Variants in CDK19 observed in about 807,000 individuals in gnomAD.
The protein encoded by CDK19 is cyclin-dependent kinase 19.
Under a neutral mutation model 68.3 loss-of-function variants are expected in CDK19, and 20 were observed. The ratio of observed to expected loss-of-function variants is 0.29; its 90% CI spans 0.21 to 0.43. The LOEUF (loss-of-function observed/expected upper bound fraction) is 0.43. Among genes scored for constraint, CDK19 ranks in the 20% least tolerant of loss-of-function variants. The probability of loss-of-function intolerance (pLI) is 1.00; values close to 1 mark genes in which losing one functional copy is unlikely to be tolerated. For missense variants in CDK19, 339 were observed against 623.5 expected, an observed-to-expected ratio of 0.54 and a Z score of 4.86; for synonymous variants, 221 against 222.8, an observed-to-expected ratio of 0.99 and a Z score of 0.07.
intron 2 of CDK19, among the ~76,000 whole-genome samples, chr6:110,692,695 G>A (rs1215455352): frequency 6.6e-6 from 1 of 152,032 alleles, no homozygotes; most frequent in Non-Finnish European, 1.5e-5. Context: ...CGGTCAACAG[G>A]CTCTCTAAAG....
chr6:110,666,806 CAAAAG>C (rs1215797477), intron 4 of CDK19, among the ~76,000 whole-genome samples: 2 of 151,914 alleles, frequency 1.3e-5, no homozygotes, highest in Non-Finnish European at 2.9e-5. Context: ...TAAGAACAAA[CAAAAG>C]AAACTTGCAT....
intron 4 of CDK19, chr6:110,645,903 C>T (rs1780535325): frequency 1.3e-5 from 11 of 837,662 alleles, no homozygotes; most frequent in South Asian, 1.2e-4. Context: ...CTCAGTCCTG[C>T]GAACTGTGCC....
At chr6:110,800,511 C>T (rs1782272643) in intron 1 of CDK19, among the ~76,000 whole-genome samples, 1 of 152,140 alleles carries the variant, frequency 6.6e-6, no homozygotes. Context: ...ACGAAGAAAA[C>T]TACAGGCCAA....
chr6:110,667,693 G>T, intron 3 of CDK19, 119 bp from the exon 4 acceptor site: 1 of 488,536 alleles, frequency 2.0e-6, no homozygotes, highest in Non-Finnish European at 3.4e-6. Flanking sequence ...GGCCAATAAT[G>T]ACACAAAGAA....
At chr6:110,652,540 C>A (rs1461959846) in intron 4 of CDK19, among the ~76,000 whole-genome samples, 1 of 151,818 alleles carries the variant, frequency 6.6e-6, no homozygotes, top group East Asian at 1.9e-4. Flanking sequence ...GAGCTTAAAC[C>A]CTTTAAAAAT....
intron 4 of CDK19, among the ~76,000 whole-genome samples, chr6:110,653,499 C>T (rs976442294): frequency 6.6e-6 from 1 of 152,200 alleles, no homozygotes; most frequent in Non-Finnish European, 1.5e-5. Flanking sequence ...ACTAAAACTC[C>T]TCTTCTTACT....
At chr6:110,759,416 A>ATATATATAT (rs1562264973) in intron 1 of CDK19, among the ~76,000 whole-genome samples, 3 of 113,568 alleles carry the variant, frequency 2.6e-5, no homozygotes, top group African/African-American at 1.2e-4. Flanking sequence ...AAAAAAAAAA[A>ATATATATAT]AAAAAAAAAA....
intron 12 of CDK19, among the ~76,000 whole-genome samples, chr6:110,619,511 G>C (rs1778575556): frequency 6.6e-6 from 1 of 151,518 alleles, no homozygotes; most frequent in Non-Finnish European, 1.5e-5. Flanking sequence ...GTGTTGGAGG[G>C]AGCTCTGTGA....
At chr6:110,704,583 T>C (rs1774281504) in intron 2 of CDK19, among the ~76,000 whole-genome samples, 1 of 152,232 alleles carries the variant, frequency 6.6e-6, no homozygotes, top group African/African-American at 2.4e-5. Context: ...TTTATCTTTT[T>C]TATACATAAC....
chr6:110,814,695 C>A (rs754445110), intron 1 of CDK19: 4 of 566,850 alleles, frequency 7.1e-6, no homozygotes, highest in Non-Finnish European at 1.3e-5. Flanking sequence ...GACTAGACCC[C>A]ACAAACTCCT....
At chr6:110,765,592 A>G (rs1406449160) in intron 1 of CDK19, among the ~76,000 whole-genome samples, 1 of 148,062 alleles carries the variant, frequency 6.8e-6, no homozygotes, top group Non-Finnish European at 1.5e-5. Context: ...GAGGCAGGAG[A>G]ATTGCTTGAA....
intron 1 of CDK19, among the ~76,000 whole-genome samples, chr6:110,776,685 C>G (rs1780423556): frequency 6.6e-6 from 1 of 152,110 alleles, no homozygotes; most frequent in African/African-American, 2.4e-5. Flanking sequence ...TAGACTGCAC[C>G]CTCCTCTAAA....
chr6:110,653,188 C>T (rs1391669664), intron 4 of CDK19, among the ~76,000 whole-genome samples: 1 of 152,116 alleles, frequency 6.6e-6, no homozygotes, highest in Admixed American at 6.6e-5. Flanking sequence ...ATTTCACATC[C>T]ATCATTTCAT....
chr6:110,671,264 A>G (rs187956065), intron 2 of CDK19, among the ~76,000 whole-genome samples: 30 of 152,310 alleles, frequency 2.0e-4, no homozygotes, highest in Admixed American at 1.0e-3. Context: ...CACTTTGCGC[A>G]TAACAGACAG....
chr6:110,665,201 G>A (rs1781850189), intron 4 of CDK19, among the ~76,000 whole-genome samples: 1 of 152,200 alleles, frequency 6.6e-6, no homozygotes, highest in Admixed American at 6.5e-5. Context: ...CAACAGACAA[G>A]TATAGAGGCT....
At position 110,618,752 on chromosome 6, in the gene CDK19, A is replaced by T. The variant is rs116903292; in HGVS notation, c.1377+2352T>A. On this transcript the variant is annotated intron_variant, in intron 12 of 12. Transcript: ENST00000368911. ...AACAACTGGTGGGCACAATGACCTC[A>T]TTTGGCACATAGCTCCCTCCCGCAA... Among the ~76,000 whole-genome samples, 20 of 152,268 alleles carry T rather than the reference A, an allele frequency of 1.3e-4. No individual in the cohort carries two copies. The East Asian group carries it at 3.9e-3, about 29-fold the overall frequency.
Position 110,749,505 on chromosome 6 carries a change from C to A in CDK19, c.129-3304G>T, listed in dbSNP as rs933407919. ...CCTCCCAAGTAGCTGGGACTGCAGG[C>A]ACATACCACACACCCAGGTAATTTT... On this transcript the variant is annotated intron_variant, in intron 1 of 12. Coordinates refer to ENST00000368911, the MANE Select transcript of CDK19 (RefSeq NM_015076.5). Among the ~76,000 whole-genome samples the A allele has an allele frequency of 3.0e-4, 46 of 151,968 alleles. 1 individual carries two copies. The highest frequency in any genetic ancestry group is 2.6e-3 in the Admixed American group (40 of 15,254).
intron 4 of CDK19, among the ~76,000 whole-genome samples, chr6:110,663,480 T>A (rs1251803480): frequency 6.6e-6 from 1 of 152,178 alleles, no homozygotes; most frequent in Non-Finnish European, 1.5e-5. Flanking sequence ...TCAAGATTAG[T>A]GAATCAAGAA....
At position 110,814,965 on chromosome 6, in the gene CDK19, G is replaced by A. The variant is rs751722730; in HGVS notation, c.128+44C>T. 6 of 1,596,690 alleles carry A rather than the reference G, an allele frequency of 3.8e-6. No homozygotes were observed. The Admixed American group carries it at 6.8e-5, about 18-fold the overall frequency. On this transcript the variant is annotated intron_variant, in intron 1 of 12. Transcript: ENST00000368911. ...ACCCATCCCGCCAGGTCGCGGGCAG[G>A]GCGAGGACCCGAGCGAGCCTACTCC...
Sources: allele counts gnomAD v4.1 joint callset (sites outside exome capture counted in the v4.1 genomes callset), GRCh38; gene constraint gnomAD v4.1.1; transcripts MANE v1.5; gene names NCBI Gene and HGNC (gene_info 2026-07-23, HGNC 2026-07-21).